Variants in CLEC16A observed in about 807,000 individuals in gnomAD.
CLEC16A encodes protein CLEC16A.
CLEC16A carries 51 observed loss-of-function variants against 109.5 expected under a neutral mutation model. That is an observed-to-expected ratio of 0.47 (90% CI 0.37 to 0.59). CLEC16A has a LOEUF of 0.59. Among genes scored for constraint, CLEC16A ranks in the 20% least tolerant of loss-of-function variants. CLEC16A has a pLI of 0.00. For synonymous variants in CLEC16A, 673 were observed against 564.2 expected (o/e 1.19, Z -2.73); for missense variants, 1,339 against 1,394.0 (o/e 0.96, Z 0.63).
intron 19 of CLEC16A, among the ~76,000 whole-genome samples, chr16:11,098,924 C>T (rs2050754576): frequency 6.6e-6 from 1 of 152,228 alleles, no homozygotes; most frequent in African/African-American, 2.4e-5. Flanking sequence ...TGGAGGGAGG[C>T]AGGTGACCCA....
At chr16:11,144,569 C>T (rs545571251) in intron 22 of CLEC16A, among the ~76,000 whole-genome samples, 13 of 152,242 alleles carry the variant, frequency 8.5e-5, no homozygotes, top group Non-Finnish European at 1.6e-4. Context: ...GTACGGAGCC[C>T]TCATGCCTGT....
At chr16:11,128,889 A>G (rs1358001323) in intron 22 of CLEC16A, among the ~76,000 whole-genome samples, 1 of 152,206 alleles carries the variant, frequency 6.6e-6, no homozygotes, top group Non-Finnish European at 1.5e-5. Context: ...CAGGATCCCT[A>G]GCTTCCATTC....
chr16:11,077,320 A>G (rs2049430337), intron 19 of CLEC16A, among the ~76,000 whole-genome samples: 1 of 151,966 alleles, frequency 6.6e-6, no homozygotes, highest in Non-Finnish European at 1.5e-5. Flanking sequence ...AAATACAAAA[A>G]AATTAGCCGG....
At chr16:11,067,138 TTTG>T (rs138102294) in intron 19 of CLEC16A, among the ~76,000 whole-genome samples, 15,220 of 149,410 alleles carry the variant, frequency 0.1, 1,085 homozygotes, top group South Asian at 0.16. Context: ...GGGGAGTGGG[TTTG>T]TTGTTGTTGT....
At chr16:11,156,855 GGCCTGGATAGGT>G (rs2054544469) in intron 22 of CLEC16A, among the ~76,000 whole-genome samples, 1 of 151,898 alleles carries the variant, frequency 6.6e-6, no homozygotes, top group African/African-American at 2.4e-5. Context: ...AACCCTCTGT[GGCCTGGATAGGT>G]GCTCATGTAA....
At chr16:11,153,900 G>A (rs527451308) in intron 22 of CLEC16A, among the ~76,000 whole-genome samples, 2 of 152,288 alleles carry the variant, frequency 1.3e-5, no homozygotes, top group South Asian at 4.2e-4. Flanking sequence ...GAGCAACCTA[G>A]CCCATTTGAG....
At chr16:11,177,852 C>CTT (rs113715763) in intron 23 of CLEC16A, among the ~76,000 whole-genome samples, 5 of 139,876 alleles carry the variant, frequency 3.6e-5, no homozygotes, top group African/African-American at 1.1e-4. Flanking sequence ...ACAGAATTTC[C>CTT]TTTTTTTTTT....
At chr16:11,038,165 A>G (rs1471170339) in intron 13 of CLEC16A, among the ~76,000 whole-genome samples, 2 of 152,130 alleles carry the variant, frequency 1.3e-5, no homozygotes, top group Non-Finnish European at 2.9e-5. Context: ...AGCAAGATAT[A>G]TTGTTACTTC....
intron 11 of CLEC16A, among the ~76,000 whole-genome samples, chr16:11,004,495 G>A (rs1269874613): frequency 6.6e-6 from 1 of 152,136 alleles, no homozygotes; most frequent in Non-Finnish European, 1.5e-5. Context: ...CCTGGGCCTT[G>A]GGCTCACAGT....
intron 19 of CLEC16A, among the ~76,000 whole-genome samples, chr16:11,072,680 C>G (rs1011544744): frequency 6.6e-6 from 1 of 152,178 alleles, no homozygotes; most frequent in African/African-American, 2.4e-5. Flanking sequence ...CAGGACTGTT[C>G]TGTTGATTAA....
Position 11,174,162 on chromosome 16 carries a change from G to A in CLEC16A, c.2807-4173G>A. 1 of 470,250 alleles carries A rather than the reference G, an allele frequency of 2.1e-6. No homozygotes were observed. The highest frequency in any genetic ancestry group is 4.4e-6 in the Non-Finnish European group (1 of 226,776). 29.1% of individuals were successfully genotyped at this position (470,250 alleles called of 1,614,324 possible). ...CTGTGTTTTCCCTCTAGTCAGGAGT[G>A]GCAGGAAAGGACGCCGACGAGTGTT... On this transcript the variant is annotated intron_variant, in intron 23 of 23. Transcript: ENST00000409790. This position sits in a 1 kb window ranked among gnomAD's most constrained non-coding sequence, Gnocchi z 4.7.
intron 9 of CLEC16A, among the ~76,000 whole-genome samples, chr16:10,982,114 C>T (rs1365746266): frequency 6.6e-6 from 1 of 152,272 alleles, no homozygotes; most frequent in African/African-American, 2.4e-5. Context: ...GCTACACCCT[C>T]TTGCCTTTAC....
intron 22 of CLEC16A, among the ~76,000 whole-genome samples, chr16:11,144,910 G>C (rs1402599265): frequency 6.6e-6 from 1 of 152,140 alleles, no homozygotes; most frequent in South Asian, 2.1e-4. Flanking sequence ...GTTCTGGATG[G>C]CCCTGCCCTC....
At chr16:11,150,533 C>T (rs899364790) in intron 22 of CLEC16A, among the ~76,000 whole-genome samples, 1 of 152,184 alleles carries the variant, frequency 6.6e-6, no homozygotes, top group Non-Finnish European at 1.5e-5. Flanking sequence ...TGTGCACGTG[C>T]AGTACAAGAA....
intron 11 of CLEC16A, among the ~76,000 whole-genome samples, chr16:11,006,542 G>GAGGCAGGT (rs2045026065): frequency 6.6e-6 from 1 of 152,158 alleles, no homozygotes; most frequent in African/African-American, 2.4e-5. Context: ...TGACTCTTAA[G>GAGGCAGGT]GAAAGAGATG....
At chr16:11,169,215 G>C (rs535985325) in intron 23 of CLEC16A, among the ~76,000 whole-genome samples, 1 of 152,346 alleles carries the variant, frequency 6.6e-6, no homozygotes, top group African/African-American at 2.4e-5. Context: ...CTTTTGTAGA[G>C]AGCGGCTGCC....
At chr16:11,124,804 T>C (rs2153034671) in intron 21 of CLEC16A, among the ~76,000 whole-genome samples, 1 of 152,244 alleles carries the variant, frequency 6.6e-6, no homozygotes. Flanking sequence ...AATAAGCCCT[T>C]GACCAGGCAC....
intron 15 of CLEC16A, among the ~76,000 whole-genome samples, chr16:11,043,491 C>T (rs184459571): frequency 2.0e-5 from 3 of 152,284 alleles, no homozygotes; most frequent in Non-Finnish European, 2.9e-5. Flanking sequence ...AACAGCTTCT[C>T]ATGCCATTAC....
chr16:11,098,759 C>G (rs572449455), intron 19 of CLEC16A, among the ~76,000 whole-genome samples: 1 of 152,300 alleles, frequency 6.6e-6, no homozygotes, highest in South Asian at 2.1e-4. Flanking sequence ...CCTGCACATT[C>G]TCGCCCAAGT....
Sources: gnomAD v4.1 joint callset for allele counts (sites outside exome capture counted in the v4.1 genomes callset) on GRCh38, gnomAD v4.1.1 for gene constraint, Gnocchi (gnomAD v3.1) non-coding constraint, MANE v1.5 for transcripts, NCBI Gene and HGNC (gene_info 2026-07-23, HGNC 2026-07-21) for gene names.